Variants in OASL observed in about 807,000 individuals in gnomAD.
OASL encodes 2'-5'-oligoadenylate synthetase like.
A neutral mutation model predicts 35.3 loss-of-function variants in OASL; 28 were observed. That is an observed-to-expected ratio of 0.79 (90% CI 0.59 to 1.09). The LOEUF (loss-of-function observed/expected upper bound fraction) is 1.09, where lower values mean the gene tolerates loss of function less well. OASL is among the 50% of genes least tolerant of loss of function. The pLI is 0.00. For synonymous variants in OASL, 252 were observed against 254.6 expected, an observed-to-expected ratio of 0.99 and a Z score of 0.10; for missense variants, 620 against 635.2, an observed-to-expected ratio of 0.98 and a Z score of 0.26.
exon 2 of OASL, chr12:121,033,572 C>T (rs765299664): frequency 5.6e-6 from 9 of 1,614,124 alleles, no homozygotes; most frequent in South Asian, 1.1e-5. Flanking sequence ...CTCAGGTCCT[C>T]GAGCCCGAGG....
intron 3 of OASL, among the ~76,000 whole-genome samples, chr12:121,030,577 T>C (rs191665939): frequency 6.6e-6 from 1 of 152,306 alleles, no homozygotes; most frequent in Non-Finnish European, 1.5e-5. Context: ...AAGTTCTATA[T>C]AATAAATGAT....
chr12:121,018,248 G>A (rs140870779), downstream of OASL, among the ~76,000 whole-genome samples: 266 of 152,236 alleles, frequency 1.7e-3, 1 homozygote, highest in African/African-American at 5.6e-3. Context: ...TTAAAATGGC[G>A]TCAGCACCAA....
chr12:121,031,625 G>A lies in OASL; in HGVS notation c.482-8C>T. The A allele has an allele frequency of 6.2e-7, 1 of 1,607,640 alleles. No individual in the cohort carries two copies. The highest frequency in any genetic ancestry group is 8.5e-7 in the Non-Finnish European group (1 of 1,174,888). ...AGTTGGGAAGAGAAGGCCCTGAGGA[G>A]TGAAGGAGCAAAGGAAGAGATTGGG... On this transcript the variant is annotated splice_region_variant and splice_polypyrimidine_tract_variant and intron_variant, in intron 2 of 5. Transcript: ENST00000257570.
chr12:121,024,194 GAA>G lies in OASL; in HGVS notation c.900-59_900-58del, dbSNP rs1869383876. 18 of 1,561,042 alleles carry G rather than the reference GAA, an allele frequency of 1.2e-5. No homozygotes were observed. In the East Asian group the frequency reaches 4.1e-4, roughly 35 times the overall value. ...TAATGGTTTGAAGGCCTTCAAGCCA[GAA>G]AAAAACCTTCTCGGCAATTATTTCG... On this transcript the variant is annotated intron_variant, in intron 4 of 5. Coordinates refer to ENST00000257570, the Ensembl canonical transcript of OASL.
chr12:121,031,089 G>A (rs1420378390), intron 3 of OASL, among the ~76,000 whole-genome samples: 2 of 152,060 alleles, frequency 1.3e-5, no homozygotes, highest in Non-Finnish European at 2.9e-5. Context: ...GGGAGGTGGA[G>A]GCTACAGTGA....
At position 121,028,626 on chromosome 12, in the gene OASL, G is replaced by A. The variant is rs187119098; in HGVS notation, c.658-809C>T. On this transcript the variant is annotated intron_variant, in intron 3 of 5. Coordinates refer to ENST00000257570, the Ensembl canonical transcript of OASL. ...CCAGTGCCTGAAACCCGCCCCCCCCGCCCGCCCCCCCTACTGTTTAGGGGT... is the reference window on the plus strand; with the variant it reads ...CCAGTGCCTGAAACCCGCCCCCCCCACCCGCCCCCCCTACTGTTTAGGGGT... 9.5e-4 allele frequency among the ~76,000 whole-genome samples: 62 copies of A among 65,162 alleles called. 1 individual carries two copies. The East Asian group carries it at 0.011, about 12-fold the overall frequency. 42.7% of individuals were successfully genotyped at this position (65,162 alleles called of 152,430 possible).
rs1043940366 is a variant in OASL at position 121,032,938 on chromosome 12, T to G, written c.481+523A>C. ...TTTTGTTTGTTTTTTTGTTTTTTGT[T>G]TTTTTGAGACGGAGTCTTGCTCTGT... On this transcript the variant is annotated intron_variant, in intron 2 of 5. Transcript: ENST00000257570. Among the ~76,000 whole-genome samples, 61 of 152,128 alleles carry G rather than the reference T, an allele frequency of 4.0e-4. 1 individual carries two copies. Among genetic ancestry groups the G allele is most frequent in the Non-Finnish European group, 7.1e-4 (48 of 68,044 alleles).
intron 2 of OASL, 116 bp from the exon 3 acceptor site, chr12:121,031,733 A>T (rs1030305460): frequency 1.3e-6 from 1 of 779,346 alleles, no homozygotes; most frequent in Admixed American, 2.5e-5. Context: ...GGGACACTTG[A>T]GACCTCATAT....
exon 6 of OASL, chr12:121,020,634 A>G (rs768914526): frequency 6.2e-7 from 1 of 1,614,086 alleles, no homozygotes; most frequent in Non-Finnish European, 8.5e-7. Flanking sequence ...GATGCCATAG[A>G]TCCCCAGACC....
At chr12:121,024,026 G>T (rs1172080018) in exon 5 of OASL, 9 of 1,614,050 alleles carry the variant, frequency 5.6e-6, no homozygotes, top group Non-Finnish European at 7.6e-6. Flanking sequence ...TCTCCCTGTT[G>T]TCATAGCAAC....
chr12:121,027,494 T>A (rs1869536541), intron 4 of OASL, 82 bp downstream of exon 4: 1 of 1,578,100 alleles, frequency 6.3e-7, no homozygotes, highest in Non-Finnish European at 8.6e-7. Flanking sequence ...ATACAGCCAA[T>A]CCATAAAACT....
At chr12:121,019,205 G>T (rs1869140662) in exon 6 of OASL, 1 of 152,086 alleles carries the variant, frequency 6.6e-6, no homozygotes. Flanking sequence ...ACAAAGATGG[G>T]GACTGGAACA....
chr12:121,029,463 T>C (rs1592936277), intron 3 of OASL, among the ~76,000 whole-genome samples: 1 of 152,082 alleles, frequency 6.6e-6, no homozygotes, highest in African/African-American at 2.4e-5. Context: ...CCAAGGCAGG[T>C]GGATCACAAG....
At chr12:121,031,960 G>T (rs1194194061) in intron 2 of OASL, among the ~76,000 whole-genome samples, 1 of 152,138 alleles carries the variant, frequency 6.6e-6, no homozygotes, top group African/African-American at 2.4e-5. Context: ...GGAGGCCGAG[G>T]TGGGCGGATC....
At chr12:121,024,194 GA>G (rs1869383876) in intron 4 of OASL, 57 bp from the exon 5 acceptor site, 8 of 1,560,920 alleles carry the variant, frequency 5.1e-6, no homozygotes, top group East Asian at 4.5e-5. Flanking sequence ...CTTCAAGCCA[GA>G]AAAAAACCTT....
downstream of OASL, among the ~76,000 whole-genome samples, chr12:121,018,113 A>G (rs772233550): frequency 3.3e-5 from 5 of 152,156 alleles, no homozygotes; most frequent in Non-Finnish European, 7.3e-5. Flanking sequence ...CTTACTCCCA[A>G]GGTGATGGTA....
chr12:121,031,926 TAA>T (rs1176414976), intron 2 of OASL, among the ~76,000 whole-genome samples: 9 of 152,024 alleles, frequency 5.9e-5, no homozygotes, highest in South Asian at 2.1e-4. Context: ...TGTGGTGGCT[TAA>T]GCCTGTAATC....
chr12:121,031,791 T>C (rs536662638), intron 2 of OASL, among the ~76,000 whole-genome samples, 174 bp from the exon 3 acceptor site: 32 of 152,266 alleles, frequency 2.1e-4, no homozygotes, highest in African/African-American at 7.0e-4. Flanking sequence ...TTTTGTGAAA[T>C]TCTTACTCTG....
At chr12:121,030,791 G>C (rs1207096033) in intron 3 of OASL, among the ~76,000 whole-genome samples, 3 of 152,060 alleles carry the variant, frequency 2.0e-5, no homozygotes, top group Non-Finnish European at 4.4e-5. Flanking sequence ...AATGGCCACA[G>C]TACCCGGCGA....
Sources: allele counts gnomAD v4.1 joint callset (sites outside exome capture counted in the v4.1 genomes callset), GRCh38; gene constraint gnomAD v4.1.1; transcripts MANE v1.5; gene names NCBI Gene and HGNC (gene_info 2026-07-23, HGNC 2026-07-21).